The following RCOR1 variants were observed in gnomAD, a reference collection of about 807,000 sequenced individuals.
RCOR1 encodes REST corepressor.
In RCOR1, 12 loss-of-function variants were observed where a neutral mutation model predicts 64.0. The observed-to-expected ratio is 0.19, with a 90% CI of 0.12 to 0.30. RCOR1 has a LOEUF of 0.30. Among genes scored for constraint, RCOR1 ranks in the 10% least tolerant of loss-of-function variants. The pLI is 1.00. For synonymous variants in RCOR1, 279 were observed against 227.2 expected (o/e 1.23, Z -2.05); for missense variants, 502 against 621.2 (o/e 0.81, Z 2.04).
Position 102,592,952 on chromosome 14 carries a change from C to T in RCOR1, c.66C>T (p.Ala22=). Residue 22 remains alanine (A), a synonymous_variant, in exon 1 of 12, where the codon GCC becomes GCT. Transcript: ENST00000262241. ...SGKRRGRNNA[A]ASASAAAASA... is the part of the protein sequence containing the mutation. Reference sequence around the variant, plus strand: ...AGCGGAGAGGGAGGAACAACGCGGCCGCCTCCGCCTCCGCCGCCGCCGCCT... The same window carrying T: ...AGCGGAGAGGGAGGAACAACGCGGCTGCCTCCGCCTCCGCCGCCGCCGCCT... 5.9e-6 allele frequency: 7 copies of T among 1,178,514 alleles called. No individual in the cohort carries two copies. The highest frequency in any genetic ancestry group is 2.8e-5 in the South Asian group (1 of 35,932). 73.0% of individuals were successfully genotyped at this position (1,178,514 alleles called of 1,614,324 possible).
chr14:102,602,028 G>A (rs374046670), intron 2 of RCOR1, among the ~76,000 whole-genome samples: 4 of 151,780 alleles, frequency 2.6e-5, no homozygotes, highest in South Asian at 2.1e-4. Context: ...GTGTGGTCGC[G>A]GGTACCTGTA....
intron 1 of RCOR1, 38 bp downstream of exon 1, chr14:102,593,225 C>G (rs774075806): frequency 6.8e-7 from 1 of 1,481,178 alleles, no homozygotes; most frequent in East Asian, 2.9e-5. Context: ...GGGCCCCGCG[C>G]CCCGCGCCGC....
chr14:102,599,077 T>C (rs1893329745), intron 2 of RCOR1, among the ~76,000 whole-genome samples: 1 of 152,114 alleles, frequency 6.6e-6, no homozygotes, highest in Non-Finnish European at 1.5e-5. Flanking sequence ...GTTGGTTCTT[T>C]CCTACATAAG....
chr14:102,725,066 A>T (rs552684916), intron 11 of RCOR1, among the ~76,000 whole-genome samples: 1 of 152,230 alleles, frequency 6.6e-6, no homozygotes, highest in Non-Finnish European at 1.5e-5. Flanking sequence ...TTTGAAATTC[A>T]TAGTTATTTG....
chr14:102,675,109 C>T (rs1895115984), intron 2 of RCOR1, among the ~76,000 whole-genome samples: 1 of 150,842 alleles, frequency 6.6e-6, no homozygotes, highest in Non-Finnish European at 1.5e-5. Context: ...GTGTTGGCAC[C>T]TTCAGCAAAT....
intron 2 of RCOR1, among the ~76,000 whole-genome samples, chr14:102,606,806 G>GT (rs1893518166): frequency 6.6e-6 from 1 of 151,044 alleles, no homozygotes; most frequent in Non-Finnish European, 1.5e-5. Context: ...TGGCTGTTAA[G>GT]TATTATCTAG....
At chr14:102,680,928 A>T (rs1895288864) in intron 2 of RCOR1, among the ~76,000 whole-genome samples, 1 of 152,138 alleles carries the variant, frequency 6.6e-6, no homozygotes, top group South Asian at 2.1e-4. Context: ...TACTTTTCAC[A>T]CTTTGGGTCC....
chr14:102,646,375 G>C (rs1286762473), intron 2 of RCOR1, among the ~76,000 whole-genome samples: 1 of 152,098 alleles, frequency 6.6e-6, no homozygotes, highest in East Asian at 1.9e-4. Context: ...AAGAAACCAA[G>C]TGAAGAAATA....
chr14:102,677,846 A>T (rs1282632982), intron 2 of RCOR1, among the ~76,000 whole-genome samples: 91 of 149,822 alleles, frequency 6.1e-4, no homozygotes, highest in Non-Finnish European at 1.1e-3. Context: ...GGGCCAAGGC[A>T]GGCGGCTGGG....
intron 2 of RCOR1, chr14:102,657,298 C>A: frequency 1.0e-6 from 1 of 985,160 alleles, no homozygotes; most frequent in Non-Finnish European, 1.2e-6. Context: ...TCCTTTTAGG[C>A]GATATGTCCT....
At chr14:102,593,476 GCGCACA>G (rs1893177677) in intron 2 of RCOR1, 151 bp downstream of exon 2, 7 of 873,090 alleles carry the variant, frequency 8.0e-6, no homozygotes, top group South Asian at 4.2e-5. Flanking sequence ...GGACGAGGAG[GCGCACA>G]CGCACACGAG....
chr14:102,674,275 CT>C (rs780421263), intron 2 of RCOR1, among the ~76,000 whole-genome samples: 105 of 152,310 alleles, frequency 6.9e-4, no homozygotes, highest in Non-Finnish European at 1.3e-3. Context: ...CTACTAAATA[CT>C]TTTCACAGTA....
intron 4 of RCOR1, among the ~76,000 whole-genome samples, chr14:102,705,666 C>G (rs1483002126): frequency 6.6e-6 from 1 of 152,122 alleles, no homozygotes; most frequent in Admixed American, 6.5e-5. Context: ...GCTAAGTTCC[C>G]CAGGCTGGTC....
intron 2 of RCOR1, among the ~76,000 whole-genome samples, chr14:102,653,014 C>G (rs1035370267): frequency 1.3e-5 from 2 of 152,042 alleles, no homozygotes; most frequent in African/African-American, 4.8e-5. Flanking sequence ...CTCACTGCAA[C>G]CTCTATCTCC....
chr14:102,607,093 C>A (rs772407737), intron 2 of RCOR1, among the ~76,000 whole-genome samples: 8 of 152,074 alleles, frequency 5.3e-5, no homozygotes, highest in Non-Finnish European at 8.8e-5. Context: ...TCCACCACGT[C>A]TGGCTGATTT....
chr14:102,656,134 T>A (rs1412365944), intron 2 of RCOR1: 2 of 975,216 alleles, frequency 2.1e-6, no homozygotes, highest in Admixed American at 6.2e-5. Context: ...CTGAGATTTT[T>A]TTATTTTTTT....
intron 2 of RCOR1, among the ~76,000 whole-genome samples, chr14:102,626,603 T>C (rs1893987130): frequency 6.6e-6 from 1 of 152,196 alleles, no homozygotes; most frequent in East Asian, 1.9e-4. Flanking sequence ...TCTATACTTT[T>C]GGGTTTGTTA....
At chr14:102,607,306 A>T (rs1005584271) in intron 2 of RCOR1, among the ~76,000 whole-genome samples, 11 of 152,156 alleles carry the variant, frequency 7.2e-5, no homozygotes, top group Non-Finnish European at 5.9e-5. Context: ...CTAGGGAAAA[A>T]TTGTCTTTTA....
intron 2 of RCOR1, 111 bp downstream of exon 2, chr14:102,593,436 C>G (rs1893176376): frequency 2.5e-6 from 3 of 1,179,694 alleles, no homozygotes; most frequent in South Asian, 3.4e-5. Context: ...TGCGTTCGCC[C>G]TGCCGTCCGT....
Sources: allele counts gnomAD v4.1 joint callset (sites outside exome capture counted in the v4.1 genomes callset), GRCh38; gene constraint gnomAD v4.1.1; transcripts MANE v1.5; gene names NCBI Gene and HGNC (gene_info 2026-07-23, HGNC 2026-07-21).